The following TUT4 variants were observed in gnomAD, a reference collection of about 807,000 sequenced individuals.
TUT4 encodes terminal uridylyl transferase 4.
TUT4 carries 36 observed loss-of-function variants against 192.2 expected under a neutral mutation model. That is an observed-to-expected ratio of 0.19 (90% confidence interval 0.14 to 0.25). The LOEUF (loss-of-function observed/expected upper bound fraction) is 0.25, where lower values mean the gene tolerates loss of function less well. Among genes scored for constraint, TUT4 ranks in the 10% least tolerant of loss-of-function variants. The pLI, the probability that TUT4 is intolerant of heterozygous loss-of-function variation, is 1.00. For synonymous variants in TUT4, 618 were observed against 666.0 expected (o/e 0.93, Z 1.11); for missense variants, 1,493 against 1,957.2 (o/e 0.76, Z 4.47).
In TUT4 at chr1:52,475,034, G is replaced by A. The variant is rs1010195819; in HGVS notation, c.2525C>T (p.Pro842Leu). ...TGTTCCAGTAGATTTATCTGGGTCA[G>A]GCGACTTAGACAAATCAATGCAATT... ...QCNCIDLSKS[P>L]DPDKSTGTDC... is the part of the protein sequence containing the mutation. Residue 842 changes from proline to leucine, a missense_variant, in exon 13 of 30, where the codon CCT becomes CTT. This residue lies in a region of TUT4 where 245 missense variants were observed against 218.4 expected (regional missense o/e 1.12). Transcript: ENST00000257177. 1.2e-6 allele frequency: 2 copies of A among 1,614,130 alleles called. No homozygotes were observed. The highest frequency in any genetic ancestry group is 1.7e-6 in the Non-Finnish European group (2 of 1,180,032).
intron 1 of TUT4, among the ~76,000 whole-genome samples, chr1:52,536,903 C>A (rs865829650): frequency 6.6e-6 from 1 of 152,010 alleles, no homozygotes; most frequent in East Asian, 1.9e-4. Flanking sequence ...CGGTGGCTCA[C>A]GCCTGTAATC....
chr1:52,534,055 C>G (rs936125269), intron 1 of TUT4, among the ~76,000 whole-genome samples: 1 of 152,248 alleles, frequency 6.6e-6, no homozygotes, highest in African/African-American at 2.4e-5. Flanking sequence ...TACCCGTTAT[C>G]ATAACATCCC....
At chr1:52,471,080 A>C (rs1270552767) in intron 14 of TUT4, among the ~76,000 whole-genome samples, 2 of 138,320 alleles carry the variant, frequency 1.4e-5, no homozygotes, top group Non-Finnish European at 3.0e-5. Flanking sequence ...GCAGTGGCAT[A>C]ATCTTGGCTC....
chr1:52,539,906 T>TA (rs113259082), intron 1 of TUT4, among the ~76,000 whole-genome samples: 13,778 of 115,860 alleles, frequency 0.12, 2,180 homozygotes, highest in African/African-American at 0.38. Context: ...GACTCCGTCT[T>TA]AAAAAAAAAA....
intron 1 of TUT4, among the ~76,000 whole-genome samples, chr1:52,548,865 C>A (rs1303633473): frequency 6.6e-6 from 1 of 152,216 alleles, no homozygotes; most frequent in African/African-American, 2.4e-5. Flanking sequence ...TCTTCCAGCC[C>A]ATGCTCTTCA....
Position 52,451,847 on chromosome 1 carries a change from A to T in TUT4, c.3436-5180T>A, listed in dbSNP as rs1659527085. Among the ~76,000 whole-genome samples the T allele has an allele frequency of 2.0e-5, 3 of 151,872 alleles. No homozygotes were observed. In the South Asian group the frequency reaches 6.2e-4, roughly 32 times the overall value. On this transcript the variant is annotated intron_variant, in intron 20 of 29. Transcript: ENST00000257177. ...AACAGAGTGAGATTCCATCTCAAAA[A>T]AAAAAAAAAGACACAATATGCCAAA... is the stretch of plus-strand genomic sequence containing the variant.
At chr1:52,502,103 A>G (rs953916904) in intron 4 of TUT4, among the ~76,000 whole-genome samples, 1 of 151,908 alleles carries the variant, frequency 6.6e-6, no homozygotes, top group Non-Finnish European at 1.5e-5. Context: ...TTAAAATGGT[A>G]AATTTTATCT....
chr1:52,461,572 C>A lies in TUT4; in HGVS notation c.3172G>T (p.Val1058Leu). The A allele has an allele frequency of 3.1e-6, 5 of 1,612,788 alleles. No individual in the cohort carries two copies. The highest frequency in any genetic ancestry group is 3.4e-6 in the Non-Finnish European group (4 of 1,179,578). The part of the protein sequence containing the change: ...LPITTAKVPI[V>L]KFEHRRSGLE... ...CCACTTCGCCTGTGTTCAAATTTTA[C>A]TATAGGCACTTTGGCAGTAGTTATA... Residue 1058 changes from valine to leucine, a missense_variant, in exon 18 of 30, where the codon GTA becomes TTA. Physicochemically the swap from Val to Leu is conservative, Grantham distance 32 (BLOSUM62 1). This residue lies in a region of TUT4 where 141 missense variants were observed against 382.7 expected (regional missense o/e 0.37). Transcript: ENST00000257177.
chr1:52,534,025 T>C (rs1353553352), intron 1 of TUT4, among the ~76,000 whole-genome samples: 1 of 152,216 alleles, frequency 6.6e-6, no homozygotes, highest in Non-Finnish European at 1.5e-5. Flanking sequence ...ACTTTCGATA[T>C]TTCATTCTAT....
intron 1 of TUT4, among the ~76,000 whole-genome samples, chr1:52,527,208 C>G (rs1480298684): frequency 1.3e-5 from 2 of 152,166 alleles, no homozygotes; most frequent in African/African-American, 4.8e-5. Flanking sequence ...CTTTCTCCAC[C>G]TTGAAGTAAA....
chr1:52,527,439 G>A (rs1450995840), intron 1 of TUT4, among the ~76,000 whole-genome samples: 5 of 151,966 alleles, frequency 3.3e-5, no homozygotes, highest in African/African-American at 7.3e-5. Context: ...CCAGCTACTC[G>A]GGAGGCTGAG....
At chr1:52,493,503 T>C (rs1180940216) in intron 7 of TUT4, 108 bp downstream of exon 7, 1 of 715,638 alleles carries the variant, frequency 1.4e-6, no homozygotes, top group Non-Finnish European at 2.3e-6. Context: ...ATGACTCAAC[T>C]ATGCCAGCAG....
rs990351508 is a variant in TUT4, at chr1:52,545,980, A to T, written c.-94+6951T>A. 2.6e-5 allele frequency among the ~76,000 whole-genome samples: 4 copies of T among 151,152 alleles called. 1 individual carries two copies. The highest frequency in any genetic ancestry group is 7.3e-5 in the African/African-American group (3 of 41,230). On this transcript the variant is annotated intron_variant, in intron 1 of 29. Transcript: ENST00000257177. ...CTACAAAAATACAAAAAAAAAAAAA[A>T]AAAAAAAAATTGGCCAGGTGTGGTC...
intron 20 of TUT4, among the ~76,000 whole-genome samples, chr1:52,447,621 A>G (rs1657956725): frequency 6.6e-6 from 1 of 152,164 alleles, no homozygotes; most frequent in African/African-American, 2.4e-5. Flanking sequence ...ATCCCGTAAG[A>G]TGTCTGTGTA....
intron 3 of TUT4, among the ~76,000 whole-genome samples, chr1:52,510,089 A>T (rs1449793436): frequency 2.0e-5 from 3 of 152,140 alleles, no homozygotes; most frequent in Non-Finnish European, 4.4e-5. Flanking sequence ...ACGCTGGCAG[A>T]TCACTTGAGC....
chr1:52,552,790 G>A (rs1332488259), intron 1 of TUT4, 141 bp downstream of exon 1: 1 of 152,324 alleles, frequency 6.6e-6, no homozygotes, highest in African/African-American at 2.4e-5. Flanking sequence ...CAGGCCCCCA[G>A]GGGGCGGCTG....
chr1:52,476,839 C>A (rs1159247203), intron 12 of TUT4, among the ~76,000 whole-genome samples: 1 of 152,178 alleles, frequency 6.6e-6, no homozygotes, highest in East Asian at 1.9e-4. Context: ...GTAGGCTGAA[C>A]AGACTAAAAC....
At chr1:52,444,824 C>T (rs1429995144) in intron 24 of TUT4, among the ~76,000 whole-genome samples, 1 of 150,906 alleles carries the variant, frequency 6.6e-6, no homozygotes, top group Non-Finnish European at 1.5e-5. Context: ...TCTCCTTGCC[C>T]CTCAGCTGCA....
chr1:52,444,724 C>G (rs929412310), intron 24 of TUT4, among the ~76,000 whole-genome samples: 4 of 150,658 alleles, frequency 2.7e-5, no homozygotes, highest in African/African-American at 4.9e-5. Context: ...ACAGGACTAG[C>G]CTCTCAGCCT....
Sources: allele counts gnomAD v4.1 joint callset (sites outside exome capture counted in the v4.1 genomes callset), GRCh38; gene constraint gnomAD v4.1.1; regional missense constraint gnomAD v4.1.1; transcripts MANE v1.5; gene names NCBI Gene and HGNC (gene_info 2026-07-23, HGNC 2026-07-21).